The following TPRG1 variants were observed in gnomAD, a reference collection of about 807,000 sequenced individuals.
TPRG1 encodes tumor protein p63-regulated gene 1 protein.
Under a neutral mutation model 29.3 loss-of-function variants are expected in TPRG1, and 29 were observed. The ratio of observed to expected loss-of-function variants is 0.99; its 90% confidence interval spans 0.74 to 1.35. The LOEUF (loss-of-function observed/expected upper bound fraction) is 1.35. Among genes scored for constraint, TPRG1 ranks in the 40% most tolerant of loss-of-function variants. The pLI is 0.00. For missense variants in TPRG1, 327 were observed against 335.0 expected (o/e 0.98, Z 0.19); for synonymous variants, 130 against 116.8 (o/e 1.11, Z -0.73).
At chr3:189,287,892 C>T (rs979766949) in intron 4 of TPRG1, among the ~76,000 whole-genome samples, 11 of 151,724 alleles carry the variant, frequency 7.3e-5, no homozygotes, top group East Asian at 1.9e-4. Context: ...TGGGAATTTG[C>T]GAAAAGATTG....
At chr3:189,007,560 T>G (rs1259325019) in intron 3 of TPRG1, among the ~76,000 whole-genome samples, 1 of 151,708 alleles carries the variant, frequency 6.6e-6, no homozygotes, top group East Asian at 1.9e-4. Flanking sequence ...TATACCCAAA[T>G]GACTATAAAT....
intron 1 of TPRG1, among the ~76,000 whole-genome samples, chr3:188,998,352 C>A (rs1023349229): frequency 3.3e-5 from 5 of 152,176 alleles, no homozygotes; most frequent in Admixed American, 6.5e-5. Context: ...AGAGTGACAA[C>A]TATAAAGTTC....
intron 1 of TPRG1, among the ~76,000 whole-genome samples, chr3:189,197,729 C>T (rs750450300): frequency 6.6e-6 from 1 of 152,088 alleles, no homozygotes; most frequent in Non-Finnish European, 1.5e-5. Context: ...AAGGGGAGAA[C>T]CCAAGAGATC....
intron 4 of TPRG1, among the ~76,000 whole-genome samples, chr3:189,247,033 T>C (rs147820453): frequency 6.6e-6 from 1 of 151,986 alleles, no homozygotes; most frequent in Non-Finnish European, 1.5e-5. Context: ...GTTTCGGAGG[T>C]TTGGGGCTAT....
chr3:189,022,516 T>C (rs536748409), intron 3 of TPRG1, among the ~76,000 whole-genome samples: 1 of 151,470 alleles, frequency 6.6e-6, no homozygotes, highest in East Asian at 1.9e-4. Context: ...GTGCCCCTGC[T>C]GGGGGGTGCC....
At chr3:189,252,682 G>A (rs1056424050) in intron 4 of TPRG1, among the ~76,000 whole-genome samples, 1 of 152,020 alleles carries the variant, frequency 6.6e-6, no homozygotes, top group Non-Finnish European at 1.5e-5. Context: ...ATTTAGGGGG[G>A]TTCTCAATTT....
At chr3:189,006,784 C>T (rs767276024) in intron 3 of TPRG1, among the ~76,000 whole-genome samples, 1 of 152,098 alleles carries the variant, frequency 6.6e-6, no homozygotes, top group African/African-American at 2.4e-5. Context: ...TTTAGCTTCT[C>T]GCCTAAGTGT....
At chr3:189,231,761 A>G (rs1418894021) in intron 3 of TPRG1, among the ~76,000 whole-genome samples, 3 of 152,196 alleles carry the variant, frequency 2.0e-5, no homozygotes, top group Non-Finnish European at 4.4e-5. Context: ...TCTTGTGCTC[A>G]TCTGTATTTA....
At chr3:189,026,811 C>T (rs1453690977) in intron 4 of TPRG1, among the ~76,000 whole-genome samples, 3 of 151,934 alleles carry the variant, frequency 2.0e-5, no homozygotes, top group East Asian at 1.9e-4. Context: ...GTCACATTGG[C>T]GAAGGATGGA....
chr3:189,231,265 C>CATATATATATATATATATATATATAT (rs149177739), intron 3 of TPRG1, among the ~76,000 whole-genome samples: 55 of 144,254 alleles, frequency 3.8e-4, no homozygotes, highest in African/African-American at 1.4e-3. Flanking sequence ...ACCTATAAAA[C>CATATATATATATATATATATATATAT]ATATATATAT....
chr3:189,233,043 G>C (rs1406280063), intron 3 of TPRG1, among the ~76,000 whole-genome samples: 1 of 152,060 alleles, frequency 6.6e-6, no homozygotes, highest in East Asian at 1.9e-4. Flanking sequence ...CTGATTCCTT[G>C]TTAGCCAAGA....
At chr3:189,052,115 AG>A (rs1715358086) in intron 4 of TPRG1, among the ~76,000 whole-genome samples, 1 of 152,248 alleles carries the variant, frequency 6.6e-6, no homozygotes, top group Non-Finnish European at 1.5e-5. Flanking sequence ...TAAACTAAAG[AG>A]CTTTTGCACG....
intron 3 of TPRG1, among the ~76,000 whole-genome samples, chr3:189,135,704 T>C (rs997926316): frequency 5.3e-5 from 8 of 152,248 alleles, no homozygotes; most frequent in Admixed American, 6.5e-5. Flanking sequence ...CTCCAACTTA[T>C]TGGCTATGGA....
At chr3:189,040,009 T>C (rs1714530718) in intron 4 of TPRG1, among the ~76,000 whole-genome samples, 1 of 152,184 alleles carries the variant, frequency 6.6e-6, no homozygotes, top group Admixed American at 6.5e-5. Context: ...TCCATTACTT[T>C]AAGATACATT....
At chr3:189,112,851 C>T (rs139373781) in intron 1 of TPRG1, among the ~76,000 whole-genome samples, 8,996 of 152,132 alleles carry the variant, frequency 0.059, 865 homozygotes, top group African/African-American at 0.2. Context: ...TTTGACTTGG[C>T]GTTGCAGGCT....
chr3:189,251,079 CTT>C (rs985317857), intron 4 of TPRG1, among the ~76,000 whole-genome samples: 1 of 152,058 alleles, frequency 6.6e-6, no homozygotes, highest in African/African-American at 2.4e-5. Context: ...TTCCCTCCCT[CTT>C]TCTCTCTCTC....
Position 189,207,599 on chromosome 3 carries a change from A to G in TPRG1, c.210+5A>G, listed in dbSNP as rs755970601. 1.2e-6 allele frequency: 2 copies of G among 1,613,358 alleles called. No homozygotes were observed. Among genetic ancestry groups the G allele is most frequent in the African/African-American group, 2.7e-5 (2 of 74,894 alleles). ...CGGAAGTACTTTGCTACACGGGTAA[A>G]TTTATTGGTTCTCTTAAATACTATA... On this transcript the variant is annotated splice_donor_5th_base_variant and intron_variant, in intron 2 of 5. Coordinates refer to ENST00000345063, the MANE Select transcript of TPRG1 (RefSeq NM_198485.4).
chr3:189,104,041 T>C (rs1719515928), intron 1 of TPRG1, among the ~76,000 whole-genome samples: 1 of 152,054 alleles, frequency 6.6e-6, no homozygotes, highest in African/African-American at 2.4e-5. Context: ...TACTTATGGA[T>C]AGACTAAAGA....
At chr3:189,062,802 G>C (rs956940666) in intron 4 of TPRG1, among the ~76,000 whole-genome samples, 5 of 151,788 alleles carry the variant, frequency 3.3e-5, no homozygotes, top group Admixed American at 6.6e-5. Flanking sequence ...AATCAAAATA[G>C]AATAATAAGA....
Sources: gnomAD v4.1 joint callset for allele counts (sites outside exome capture counted in the v4.1 genomes callset) on GRCh38, gnomAD v4.1.1 for gene constraint, MANE v1.5 for transcripts, NCBI Gene and HGNC (gene_info 2026-07-23, HGNC 2026-07-21) for gene names.